The following WDR72 variants were observed in gnomAD, a reference collection of about 807,000 sequenced individuals.
WDR72 encodes the protein WD repeat domain 72, also known as WD repeat-containing protein 72.
In WDR72, 120 loss-of-function variants were observed where a neutral mutation model predicts 124.2. That is an observed-to-expected ratio of 0.97 (90% CI 0.83 to 1.12). The LOEUF (loss-of-function observed/expected upper bound fraction) is 1.12. Ranked by LOEUF, WDR72 falls within the 50% of genes most tolerant of loss-of-function variation. WDR72 has a pLI of 0.00. For missense variants in WDR72, 1,387 were observed against 1,278.8 expected (o/e 1.08, Z -1.29); for synonymous variants, 452 against 441.7 (o/e 1.02, Z -0.29).
intron 18 of WDR72, among the ~76,000 whole-genome samples, chr15:53,547,418 C>T (rs1893529120): frequency 6.6e-6 from 1 of 152,190 alleles, no homozygotes; most frequent in Non-Finnish European, 1.5e-5. Flanking sequence ...AAGCGTGAGC[C>T]ACCGTGCCTG....
In WDR72 at chr15:53,688,182, C is replaced by A. The variant is rs900038412; in HGVS notation, c.1765+11568G>T. Among the ~76,000 whole-genome samples, 54 of 150,840 alleles carry A rather than the reference C, an allele frequency of 3.6e-4. 1 individual carries two copies. Among genetic ancestry groups the A allele is most frequent in the African/African-American group, 1.3e-3 (54 of 40,344 alleles). On this transcript the variant is annotated intron_variant, in intron 13 of 19. Coordinates refer to ENST00000360509, the MANE Select transcript of WDR72 (RefSeq NM_182758.4). ...CAGGGATGCCCTCTCTCACCACTCCCATTCAACATAGTGTTGGAAGTTCTG... is the reference window on the plus strand; with the variant it reads ...CAGGGATGCCCTCTCTCACCACTCCAATTCAACATAGTGTTGGAAGTTCTG...
intron 13 of WDR72, among the ~76,000 whole-genome samples, chr15:53,689,385 C>T (rs928910369): frequency 8.0e-5 from 12 of 149,408 alleles, no homozygotes; most frequent in African/African-American, 3.0e-4. Flanking sequence ...AACAAACAAC[C>T]CCATCAAAAA....
intron 18 of WDR72, among the ~76,000 whole-genome samples, chr15:53,539,888 T>C (rs998292787): frequency 6.6e-6 from 1 of 152,138 alleles, no homozygotes; most frequent in Non-Finnish European, 1.5e-5. Context: ...ACTATGTTGT[T>C]TTTAAAAAGA....
At chr15:53,636,696 A>G (rs2140403709) in intron 14 of WDR72, among the ~76,000 whole-genome samples, 1 of 152,320 alleles carries the variant, frequency 6.6e-6, no homozygotes, top group Middle Eastern at 3.4e-3. Context: ...ATTAATCTTT[A>G]GAAAATTCCA....
At chr15:53,643,529 T>C (rs1024510571) in intron 14 of WDR72, among the ~76,000 whole-genome samples, 1 of 152,084 alleles carries the variant, frequency 6.6e-6, no homozygotes, top group Non-Finnish European at 1.5e-5. Context: ...CTAAAACAGA[T>C]GGGAGCTGGC....
chr15:53,609,423 T>C (rs2013435895), intron 17 of WDR72, 90 bp downstream of exon 17: 1 of 1,123,262 alleles, frequency 8.9e-7, no homozygotes, highest in South Asian at 1.3e-5. Context: ...CAAGAGTAAC[T>C]GCTTGTATTT....
chr15:53,762,656 G>A (rs1407091291), upstream of WDR72: 1 of 152,102 alleles, frequency 6.6e-6, no homozygotes, highest in Non-Finnish European at 1.5e-5. Context: ...CCTACCTCTT[G>A]AGCAGAGCCT....
chr15:53,665,839 C>T (rs1185080028), intron 13 of WDR72, 71 bp from the exon 14 acceptor site: 6 of 1,441,482 alleles, frequency 4.2e-6, no homozygotes, highest in Non-Finnish European at 5.8e-6. Flanking sequence ...AGAACAAACA[C>T]TCTTTAGCAG....
At chr15:53,724,736 T>C (rs886950383) in intron 2 of WDR72, among the ~76,000 whole-genome samples, 2 of 152,180 alleles carry the variant, frequency 1.3e-5, no homozygotes, top group African/African-American at 2.4e-5. Flanking sequence ...CCAAAACATA[T>C]CATTTGCGGT....
intron 17 of WDR72, among the ~76,000 whole-genome samples, chr15:53,603,057 T>A (rs190934102): frequency 6.6e-6 from 1 of 152,230 alleles, no homozygotes; most frequent in Admixed American, 6.5e-5. Flanking sequence ...CCTGTCAGTA[T>A]TCCTGATGAA....
chr15:53,724,549 G>C (rs1185203588), intron 2 of WDR72, among the ~76,000 whole-genome samples: 1 of 152,162 alleles, frequency 6.6e-6, no homozygotes, highest in East Asian at 1.9e-4. Flanking sequence ...GCAGGAGACA[G>C]AGAGTGACGG....
intron 17 of WDR72, among the ~76,000 whole-genome samples, chr15:53,601,176 C>T (rs986112387): frequency 1.3e-5 from 2 of 152,100 alleles, no homozygotes; most frequent in Non-Finnish European, 2.9e-5. Context: ...GGAAACCCTG[C>T]ATGCCAGAAG....
chr15:53,622,547 C>A (rs1317226146), intron 14 of WDR72, among the ~76,000 whole-genome samples: 1 of 152,018 alleles, frequency 6.6e-6, no homozygotes, highest in African/African-American at 2.4e-5. Flanking sequence ...CACCCCATGT[C>A]CTAATTTATA....
chr15:53,718,707 A>C (rs537484552), intron 3 of WDR72, among the ~76,000 whole-genome samples: 1 of 151,286 alleles, frequency 6.6e-6, no homozygotes, highest in Non-Finnish European at 1.5e-5. Context: ...GTACATAGCT[A>C]AAATCACATT....
rs781201202 is a variant in WDR72 at position 53,665,738 on chromosome 15, C to T, written c.1796G>A (p.Arg599Lys). The T allele has an allele frequency of 1.3e-5, 21 of 1,613,810 alleles. No individual in the cohort carries two copies. The highest frequency in any genetic ancestry group is 3.3e-5 in the Admixed American group (2 of 59,960). The change falls in exon 14 of 20, where the codon AGA becomes AAA. Residue 599 changes from arginine (R) to lysine (K), a missense_variant. Arg to Lys is a conservative substitution (Grantham distance 26). Coordinates refer to ENST00000360509, the MANE Select transcript of WDR72 (RefSeq NM_182758.4). ...ACAACAATTAAGAATAATTCGTGCT[C>T]TTTCTCCTGTCTCATGTCTTTCCAA... The part of the protein sequence containing the change: ...GTLERHETGE[R>K]ARIILNCCDD...
At chr15:53,573,245 C>T (rs781571248) in intron 18 of WDR72, among the ~76,000 whole-genome samples, 5 of 152,120 alleles carry the variant, frequency 3.3e-5, no homozygotes, top group Non-Finnish European at 5.9e-5. Context: ...TCCTTCATTC[C>T]ATGATATTAT....
intron 14 of WDR72, among the ~76,000 whole-genome samples, chr15:53,655,847 C>G (rs962713654): frequency 1.3e-5 from 2 of 152,130 alleles, no homozygotes; most frequent in Non-Finnish European, 2.9e-5. Flanking sequence ...CATATGCCAC[C>G]ACGCCTGACT....
At chr15:53,682,458 T>C (rs1392055277) in intron 13 of WDR72, among the ~76,000 whole-genome samples, 1 of 152,190 alleles carries the variant, frequency 6.6e-6, no homozygotes, top group Non-Finnish European at 1.5e-5. Context: ...TAATTGTTTA[T>C]TTAATTTGGT....
intron 3 of WDR72, among the ~76,000 whole-genome samples, chr15:53,718,498 A>G (rs945700824): frequency 1.1e-4 from 17 of 152,148 alleles, no homozygotes; most frequent in African/African-American, 4.1e-4. Flanking sequence ...TGAAAATAAA[A>G]TGAAAATATA....
Sources: gnomAD v4.1 joint callset for allele counts (sites outside exome capture counted in the v4.1 genomes callset) on GRCh38, gnomAD v4.1.1 for gene constraint, MANE v1.5 for transcripts, NCBI Gene and HGNC (gene_info 2026-07-23, HGNC 2026-07-21) for gene names.